The following PTGDR variants were observed in gnomAD, a reference collection of about 807,000 sequenced individuals.
PTGDR encodes PGD2 receptor.
PTGDR carries 19 observed loss-of-function variants against 17.4 expected under a neutral mutation model. That is an observed-to-expected ratio of 1.09 (90% CI 0.76 to 1.60). The LOEUF is 1.60. Ranked by LOEUF, PTGDR falls within the 40% of genes most tolerant of loss-of-function variation. The probability of loss-of-function intolerance (pLI) is 0.00; values close to 1 mark genes in which losing one functional copy is unlikely to be tolerated. For missense variants in PTGDR, 526 were observed against 481.9 expected (o/e 1.09, Z -0.86); for synonymous variants, 267 against 224.2 (o/e 1.19, Z -1.71).
At chr14:52,274,293 TAGG>T (rs1322363845) in intron 1 of PTGDR, among the ~76,000 whole-genome samples, 1 of 152,178 alleles carries the variant, frequency 6.6e-6, no homozygotes, top group Non-Finnish European at 1.5e-5. Context: ...AGAGAACTAA[TAGG>T]AGAAGATAGG....
downstream of PTGDR, among the ~76,000 whole-genome samples, chr14:52,279,234 C>A (rs1386319520): frequency 6.6e-6 from 1 of 152,140 alleles, no homozygotes; most frequent in African/African-American, 2.4e-5. Context: ...GAAGAATGTT[C>A]TCATATCACC....
At chr14:52,274,201 C>T (rs1267898777) in intron 1 of PTGDR, among the ~76,000 whole-genome samples, 1 of 152,088 alleles carries the variant, frequency 6.6e-6, no homozygotes, top group East Asian at 1.9e-4. Context: ...GTCATATTTC[C>T]AATCTCTTCA....
At position 52,268,200 on chromosome 14, in the gene PTGDR, A is replaced by C; in HGVS notation, c.386A>C (p.Glu129Ala). 1.2e-6 allele frequency: 2 copies of C among 1,614,062 alleles called. No homozygotes were observed. The highest frequency in any genetic ancestry group is 1.7e-6 in the Non-Finnish European group (2 of 1,180,018). Reference protein sequence around the residue: ...STLQLLAMALECWLSLGHPFF... With the variant: ...STLQLLAMALACWLSLGHPFF... ...CTGCAACTCCTGGCCATGGCACTGG[A>C]GTGCTGGCTCTCCCTAGGGCACCCT... The change falls in exon 1 of 2, where the codon GAG (glutamate) becomes GCG (alanine). Residue 129 changes from glutamate to alanine, a missense_variant. Coordinates refer to ENST00000306051, the MANE Select transcript of PTGDR (RefSeq NM_000953.3).
intron 1 of PTGDR, chr14:52,269,651 G>T (rs557254203): frequency 2.1e-6 from 2 of 946,398 alleles, no homozygotes; most frequent in Non-Finnish European, 3.1e-6. Flanking sequence ...TTCTCAGAAT[G>T]TAGCCATTTT....
At chr14:52,272,013 TG>T (rs1409331376) in intron 1 of PTGDR, among the ~76,000 whole-genome samples, 1 of 152,244 alleles carries the variant, frequency 6.6e-6, no homozygotes, top group Non-Finnish European at 1.5e-5. Context: ...AAGTGGAGTG[TG>T]GCAAAATATA....
rs538918358 is a variant in PTGDR, at chr14:52,271,745, C to T, written c.847-2986C>T. On this transcript the variant is annotated intron_variant, in intron 1 of 1. Coordinates refer to ENST00000306051, the MANE Select transcript of PTGDR (RefSeq NM_000953.3). ...AGTGATGTCATCATTTGTTATCTAG[C>T]CTCCATAAAATTCACTGTACACTTG... Among the ~76,000 whole-genome samples, 20 of 152,302 alleles carry T rather than the reference C, an allele frequency of 1.3e-4. No homozygotes were observed. The South Asian group carries it at 1.7e-3, about 13-fold the overall frequency.
chr14:52,274,781 C>A lies in PTGDR; in HGVS notation c.897C>A (p.Thr299=). The change falls in exon 2 of 2, where the codon ACC becomes ACA. Residue 299 remains threonine, a synonymous_variant. Coordinates refer to ENST00000306051, the MANE Select transcript of PTGDR (RefSeq NM_000953.3). ...AGGATGTCAAGGAGAAAAACAGGAC[C>A]TCTGAAGAAGCAGAAGACCTCCGAG... ...AFKDVKEKNR[T]SEEAEDLRAL... is the part of the protein sequence containing the mutation. 1 of 1,613,876 alleles carries A rather than the reference C, an allele frequency of 6.2e-7. No individual in the cohort carries two copies. Among genetic ancestry groups the A allele is most frequent in the African/African-American group, 1.3e-5 (1 of 75,026 alleles).
intron 1 of PTGDR, among the ~76,000 whole-genome samples, chr14:52,272,631 C>T (rs747208300): frequency 6.6e-6 from 1 of 152,182 alleles, no homozygotes; most frequent in Non-Finnish European, 1.5e-5. Flanking sequence ...CTGATGCCCT[C>T]TTCTATCCAG....
intron 1 of PTGDR, among the ~76,000 whole-genome samples, chr14:52,269,170 C>T (rs1282774309): frequency 2.6e-5 from 4 of 152,182 alleles, no homozygotes; most frequent in African/African-American, 9.7e-5. Context: ...AGGTTTAAGC[C>T]AGCCAGAGTG....
At chr14:52,270,949 T>C (rs142051942) in intron 1 of PTGDR, among the ~76,000 whole-genome samples, 2 of 152,188 alleles carry the variant, frequency 1.3e-5, no homozygotes, top group Admixed American at 6.5e-5. Context: ...CCAAAAAAAC[T>C]AGCAAGTTCC....
chr14:52,267,802 G>A lies in PTGDR; in HGVS notation c.-13G>A, dbSNP rs2033227441. ...TCCGCAGCCTTCACTCCAGCCCTCT[G>A]CTCCCGCACGCCATGAAGTCGCCGT... On this transcript the variant is annotated 5_prime_UTR_variant, in exon 1 of 2. Coordinates refer to ENST00000306051, the MANE Select transcript of PTGDR (RefSeq NM_000953.3). The A allele has an allele frequency of 6.5e-7, 1 of 1,544,698 alleles. No individual in the cohort carries two copies. The highest frequency in any genetic ancestry group is 1.9e-5 in the Admixed American group (1 of 51,972).
rs774679168 is a variant in PTGDR at position 52,267,854 on chromosome 14, G to T, written c.40G>T (p.Val14Leu). Residue 14 changes from valine to leucine, a missense_variant, in exon 1 of 2, where the codon GTG (valine) becomes TTG (leucine). Physicochemically the swap from Val to Leu is conservative, Grantham distance 32. Coordinates refer to ENST00000306051, the MANE Select transcript of PTGDR (RefSeq NM_000953.3). ...PFYRCQNTTS[V>L]EKGNSAVMGG... ...CTACCGCTGCCAGAACACCACCTCT[G>T]TGGAAAAAGGCAACTCGGCGGTGAT... is the stretch of plus-strand genomic sequence containing the variant. 1 of 1,595,032 alleles carries T rather than the reference G, an allele frequency of 6.3e-7. No individual in the cohort carries two copies. The highest frequency in any genetic ancestry group is 1.1e-5 in the South Asian group (1 of 88,018).
At chr14:52,270,848 C>G (rs2033311114) in intron 1 of PTGDR, among the ~76,000 whole-genome samples, 1 of 152,150 alleles carries the variant, frequency 6.6e-6, no homozygotes, top group Non-Finnish European at 1.5e-5. Flanking sequence ...GTGGAAAGAA[C>G]ATTGCATTTG....
chr14:52,271,187 A>C (rs919396430), intron 1 of PTGDR, among the ~76,000 whole-genome samples: 1 of 152,214 alleles, frequency 6.6e-6, no homozygotes, highest in African/African-American at 2.4e-5. Context: ...TAATATATAC[A>C]TTCATCACCT....
chr14:52,268,384 G>T lies in PTGDR; in HGVS notation c.570G>T (p.Glu190Asp). The T allele has an allele frequency of 6.2e-7, 1 of 1,612,462 alleles. No individual in the cohort carries two copies. ...GTWCFIQMVH[E>D]EGSLSVLGYS... ...GGTGCTTTATCCAGATGGTCCACGA[G>T]GAGGGCTCGCTGTCGGTGCTGGGGT... is the stretch of plus-strand genomic sequence containing the variant. The change falls in exon 1 of 2, where the codon GAG (glutamate) becomes GAT (aspartate). Residue 190 changes from glutamate to aspartate, a missense_variant. By Grantham distance (45) the Glu-to-Asp change is conservative (BLOSUM62 2). Transcript: ENST00000306051.
chr14:52,267,752 AC>A lies in PTGDR; in HGVS notation c.-60del. 4.0e-6 allele frequency: 6 copies of A among 1,485,184 alleles called. No individual in the cohort carries two copies. In the South Asian group the frequency reaches 7.0e-5, roughly 17 times the overall value. The allele number at this position is 1,485,184 out of a possible 1,614,324, so 92.0% of individuals were successfully genotyped here. A position where few individuals can be genotyped will look rare whatever the true frequency, so the allele number is the denominator to read the frequency against. On this transcript the variant is annotated 5_prime_UTR_variant, in exon 1 of 2. Coordinates refer to ENST00000306051, the MANE Select transcript of PTGDR (RefSeq NM_000953.3). ...GCGGAGCTGCCGGGGGCTCCTTAGCACCCGGGCGCCGGGGCCCTCGCCCTTC... is the reference window on the plus strand; with the variant it reads ...GCGGAGCTGCCGGGGGCTCCTTAGCACCGGGCGCCGGGGCCCTCGCCCTTC...
chr14:52,269,409 T>G (rs2033282315), intron 1 of PTGDR: 12 of 1,435,848 alleles, frequency 8.4e-6, no homozygotes, highest in South Asian at 2.4e-5. Context: ...AATTTGGTAA[T>G]GAGGATAGCG....
downstream of PTGDR, among the ~76,000 whole-genome samples, chr14:52,278,115 G>A (rs893560415): frequency 6.6e-6 from 1 of 152,102 alleles, no homozygotes; most frequent in Non-Finnish European, 1.5e-5. Context: ...TCCCATTACC[G>A]GGTATATACC....
chr14:52,273,851 A>G (rs141470792), intron 1 of PTGDR, among the ~76,000 whole-genome samples: 11 of 152,300 alleles, frequency 7.2e-5, no homozygotes, highest in Admixed American at 1.3e-4. Flanking sequence ...TGTAATGGAA[A>G]AAAGAAAAAA....
Sources: allele counts gnomAD v4.1 joint callset (sites outside exome capture counted in the v4.1 genomes callset), GRCh38; gene constraint gnomAD v4.1.1; transcripts MANE v1.5; gene names NCBI Gene and HGNC (gene_info 2026-07-23, HGNC 2026-07-21).